NEGR1: variants seen among roughly 807,000 people sequenced by gnomAD.
The protein encoded by NEGR1 is neuronal growth regulator 1.
In NEGR1, 10 loss-of-function variants were observed where a neutral mutation model predicts 40.9. That is an observed-to-expected ratio of 0.24 (90% CI 0.15 to 0.42). The LOEUF (loss-of-function observed/expected upper bound fraction) is 0.42. Ranked by LOEUF, NEGR1 falls within the 10% of genes least tolerant of loss-of-function variation. The pLI, the probability that NEGR1 is intolerant of heterozygous loss-of-function variation, is 1.00. For synonymous variants in NEGR1, 185 were observed against 166.8 expected (o/e 1.11, Z -0.84); for missense variants, 352 against 438.9 (o/e 0.80, Z 1.77).
intron 2 of NEGR1, among the ~76,000 whole-genome samples, chr1:71,819,325 T>C (rs1037710930): frequency 6.6e-6 from 1 of 151,926 alleles, no homozygotes; most frequent in African/African-American, 2.4e-5. Flanking sequence ...CAGTTATGCA[T>C]CAGCTATGAT....
intron 1 of NEGR1, among the ~76,000 whole-genome samples, chr1:72,092,801 C>A (rs896087794): frequency 6.6e-6 from 1 of 151,990 alleles, no homozygotes; most frequent in Non-Finnish European, 1.5e-5. Flanking sequence ...CAGATGTGCA[C>A]CACCAGTCCC....
At chr1:72,108,168 T>C (rs1354929202) in intron 1 of NEGR1, among the ~76,000 whole-genome samples, 2 of 151,700 alleles carry the variant, frequency 1.3e-5, no homozygotes, top group African/African-American at 4.8e-5. Context: ...CACCTTGCAC[T>C]GTGCCCTCAG....
chr1:72,137,642 T>C (rs1326878408), intron 1 of NEGR1, among the ~76,000 whole-genome samples: 6 of 151,952 alleles, frequency 3.9e-5, no homozygotes, highest in African/African-American at 1.5e-4. Flanking sequence ...AAATGACAAG[T>C]TGATGAGTGC....
intron 2 of NEGR1, among the ~76,000 whole-genome samples, chr1:71,830,982 G>T (rs894544873): frequency 1.3e-5 from 2 of 151,860 alleles, no homozygotes; most frequent in African/African-American, 2.4e-5. Context: ...AGGAATTCTT[G>T]GAATATGTTA....
At chr1:72,000,312 TAC>T (rs1646546146) in intron 1 of NEGR1, among the ~76,000 whole-genome samples, 1 of 152,124 alleles carries the variant, frequency 6.6e-6, no homozygotes, top group African/African-American at 2.4e-5. Flanking sequence ...TCACATTTAA[TAC>T]TGTTTCCACA....
intron 1 of NEGR1, among the ~76,000 whole-genome samples, chr1:72,184,808 C>T (rs2100418896): frequency 6.6e-6 from 1 of 152,110 alleles, no homozygotes; most frequent in East Asian, 1.9e-4. Context: ...CAATTATTTA[C>T]ACTTTCTATG....
chr1:71,813,940 T>TC (rs1658101582), intron 2 of NEGR1, among the ~76,000 whole-genome samples: 1 of 152,130 alleles, frequency 6.6e-6, no homozygotes, highest in Admixed American at 6.6e-5. Context: ...TCTTGCCTGA[T>TC]TGCCCTTGCC....
chr1:72,212,208 A>C (rs1653634021), intron 1 of NEGR1, among the ~76,000 whole-genome samples: 1 of 151,926 alleles, frequency 6.6e-6, no homozygotes, highest in South Asian at 2.1e-4. Flanking sequence ...AATTGTGTTA[A>C]ACTTTATCAA....
intron 2 of NEGR1, among the ~76,000 whole-genome samples, chr1:71,917,356 T>A (rs936977947): frequency 6.6e-6 from 1 of 152,226 alleles, no homozygotes; most frequent in Non-Finnish European, 1.5e-5. Context: ...TATATAGCTT[T>A]CTATTTGATT....
At chr1:71,543,228 A>G (rs1334049184) in intron 6 of NEGR1, among the ~76,000 whole-genome samples, 1 of 151,704 alleles carries the variant, frequency 6.6e-6, no homozygotes, top group Non-Finnish European at 1.5e-5. Flanking sequence ...ACATTTGTAC[A>G]TTCTTACATC....
intron 1 of NEGR1, among the ~76,000 whole-genome samples, chr1:71,967,400 A>C (rs1277819178): frequency 6.6e-6 from 1 of 152,142 alleles, no homozygotes; most frequent in African/African-American, 2.4e-5. Context: ...ACACTCAGGC[A>C]ACAGTGGATA....
intron 1 of NEGR1, among the ~76,000 whole-genome samples, chr1:71,943,675 T>C (rs1366725523): frequency 1.3e-5 from 2 of 152,182 alleles, no homozygotes; most frequent in Non-Finnish European, 2.9e-5. Flanking sequence ...TTGTACATTA[T>C]GATTAAAGAA....
intron 1 of NEGR1, among the ~76,000 whole-genome samples, chr1:72,147,359 C>A (rs1027267004): frequency 1.3e-5 from 2 of 152,046 alleles, no homozygotes; most frequent in African/African-American, 2.4e-5. Context: ...AAAAATGGAA[C>A]CCCTGATAAA....
At chr1:71,531,481 G>C (rs992050642) in intron 6 of NEGR1, among the ~76,000 whole-genome samples, 2 of 151,328 alleles carry the variant, frequency 1.3e-5, no homozygotes, top group African/African-American at 4.8e-5. Context: ...TTACTAGCAA[G>C]ATTATGATCT....
intron 1 of NEGR1, among the ~76,000 whole-genome samples, chr1:72,090,109 G>T (rs1471254911): frequency 6.6e-6 from 1 of 151,900 alleles, no homozygotes; most frequent in African/African-American, 2.4e-5. Flanking sequence ...CATTTTCTTA[G>T]TAAGAAGATA....
At chr1:72,121,763 TTAAA>T (rs1449684609) in intron 1 of NEGR1, among the ~76,000 whole-genome samples, 1 of 152,074 alleles carries the variant, frequency 6.6e-6, no homozygotes, top group Non-Finnish European at 1.5e-5. Context: ...AATTCAATGT[TTAAA>T]TAGAGTCGAT....
intron 1 of NEGR1, among the ~76,000 whole-genome samples, chr1:72,155,528 A>G (rs1410203063): frequency 6.6e-6 from 1 of 152,078 alleles, no homozygotes; most frequent in Non-Finnish European, 1.5e-5. Context: ...TATTTGATTT[A>G]TAAGATATTT....
At chr1:71,562,112 G>A (rs1246081956) in intron 6 of NEGR1, among the ~76,000 whole-genome samples, 2 of 151,562 alleles carry the variant, frequency 1.3e-5, no homozygotes, top group Non-Finnish European at 3.0e-5. Context: ...AGCCAAAAAC[G>A]TTTCTAGTGA....
chr1:71,654,561 G>A (rs1278995004), intron 4 of NEGR1, among the ~76,000 whole-genome samples: 1 of 152,094 alleles, frequency 6.6e-6, no homozygotes, highest in East Asian at 1.9e-4. Flanking sequence ...AACTCACATT[G>A]ATATCCTTCA....
Sources: gnomAD v4.1 joint callset for allele counts (sites outside exome capture counted in the v4.1 genomes callset) on GRCh38, gnomAD v4.1.1 for gene constraint, MANE v1.5 for transcripts, NCBI Gene and HGNC (gene_info 2026-07-23, HGNC 2026-07-21) for gene names.